Variants in PTPN11 observed in about 807,000 individuals in gnomAD.
The protein encoded by PTPN11 is tyrosine-protein phosphatase non-receptor type 11.
In PTPN11, 6 loss-of-function variants were observed where a neutral mutation model predicts 78.8. That is an observed-to-expected ratio of 0.08 (90% CI 0.04 to 0.15). PTPN11 has a LOEUF of 0.15. Among genes scored for constraint, PTPN11 ranks in the 10% least tolerant of loss-of-function variants. PTPN11 has a pLI of 1.00. For missense variants in PTPN11, 386 were observed against 744.8 expected, an observed-to-expected ratio of 0.52 and a Z score of 5.61; for synonymous variants, 221 against 263.5, an observed-to-expected ratio of 0.84 and a Z score of 1.56.
At chr12:112,420,498 T>C (rs1010616395) in intron 1 of PTPN11, among the ~76,000 whole-genome samples, 3 of 152,012 alleles carry the variant, frequency 2.0e-5, no homozygotes, top group African/African-American at 7.3e-5. Context: ...GGCGCACCAC[T>C]ATGCCCGGCT....
At position 112,471,125 on chromosome 12, in the gene PTPN11, G is replaced by A. The variant is rs57856288; in HGVS notation, c.757-1819G>A. On this transcript the variant is annotated intron_variant, in intron 6 of 15. Coordinates refer to ENST00000351677, the MANE Select transcript of PTPN11 (RefSeq NM_002834.5). ...TGAAGGTTGCATTTTGAAACTGAGCGTCAAATACCAATTTAAAGTCCAGAC... is the reference window on the plus strand; with the variant it reads ...TGAAGGTTGCATTTTGAAACTGAGCATCAAATACCAATTTAAAGTCCAGAC... Among the ~76,000 whole-genome samples, 203 of 152,240 alleles carry A rather than the reference G, an allele frequency of 1.3e-3. 2 individuals carry two copies. The East Asian group carries it at 0.02, about 15-fold the overall frequency.
At chr12:112,419,209 G>T (rs1236440486) in intron 1 of PTPN11, 84 bp downstream of exon 1, 8 of 1,320,824 alleles carry the variant, frequency 6.1e-6, no homozygotes, top group African/African-American at 3.1e-5. Context: ...GGGGCGCCCC[G>T]GCCGGGCTTC....
intron 1 of PTPN11, 104 bp from the exon 2 acceptor site, chr12:112,446,172 A>G (rs1176301801): frequency 2.0e-6 from 3 of 1,465,184 alleles, no homozygotes; most frequent in Non-Finnish European, 2.8e-6. Context: ...TGTATTTTCT[A>G]AAATTTTCTA....
At chr12:112,462,631 A>C (rs1298730558) in intron 6 of PTPN11, among the ~76,000 whole-genome samples, 1 of 152,206 alleles carries the variant, frequency 6.6e-6, no homozygotes, top group Non-Finnish European at 1.5e-5. Context: ...ATATTTCAAA[A>C]ATATAAGAAG....
intron 13 of PTPN11, 122 bp downstream of exon 13, chr12:112,489,297 A>G (rs1762054911): frequency 1.7e-6 from 2 of 1,206,120 alleles, no homozygotes; most frequent in Non-Finnish European, 2.4e-6. Context: ...AATGGGAAAC[A>G]AACTCCCAAC....
At chr12:112,457,344 A>T (rs2038179763) in intron 6 of PTPN11, 1 of 273,960 alleles carries the variant, frequency 3.7e-6, no homozygotes, top group East Asian at 1.6e-4. Flanking sequence ...AAGGACATGA[A>T]CTCATTCTTT....
At chr12:112,464,976 AT>A (rs1292797324) in intron 6 of PTPN11, among the ~76,000 whole-genome samples, 1 of 152,226 alleles carries the variant, frequency 6.6e-6, no homozygotes, top group East Asian at 1.9e-4. Flanking sequence ...ATATTTTTAG[AT>A]TTGTTGAAAC....
chr12:112,424,956 T>TTTTGTG (rs2037587896), intron 1 of PTPN11, among the ~76,000 whole-genome samples: 2 of 89,004 alleles, frequency 2.2e-5, no homozygotes, highest in Non-Finnish European at 4.4e-5. Flanking sequence ...GTCAGGCTAA[T>TTTTGTG]TGTGTGTGTG....
intron 1 of PTPN11, among the ~76,000 whole-genome samples, chr12:112,442,859 T>TATATATATATAAATTATATATACAC (rs2037924622): frequency 1.7e-4 from 13 of 76,522 alleles, no homozygotes; most frequent in African/African-American, 8.2e-4. Context: ...TATATATATA[T>TATATATATATAAATTATATATACAC]ATATATATAT....
intron 6 of PTPN11, among the ~76,000 whole-genome samples, chr12:112,466,024 G>C (rs1374436312): frequency 6.6e-6 from 1 of 152,170 alleles, no homozygotes; most frequent in Non-Finnish European, 1.5e-5. Context: ...ATCTATTCTA[G>C]GTTTTGGGGG....
At chr12:112,455,158 C>T (rs575340297) in intron 5 of PTPN11, among the ~76,000 whole-genome samples, 5 of 151,728 alleles carry the variant, frequency 3.3e-5, no homozygotes, top group East Asian at 3.9e-4. Flanking sequence ...CACTGACTGC[C>T]GCTATAGTAC....
At chr12:112,431,642 A>G (rs2037714715) in intron 1 of PTPN11, among the ~76,000 whole-genome samples, 1 of 152,158 alleles carries the variant, frequency 6.6e-6, no homozygotes, top group Non-Finnish European at 1.5e-5. Context: ...TCAGAGAACC[A>G]GAGTCAACCA....
chr12:112,453,525 A>C, intron 4 of PTPN11, 138 bp downstream of exon 4: 1 of 767,386 alleles, frequency 1.3e-6, no homozygotes. Context: ...TATTTGAGAC[A>C]GGGTCTTGCT....
intron 13 of PTPN11, among the ~76,000 whole-genome samples, chr12:112,492,409 A>C (rs1015347680): frequency 7.3e-5 from 11 of 151,554 alleles, no homozygotes; most frequent in African/African-American, 2.4e-4. Context: ...GGAACAAAGT[A>C]TTTTTCCCTT....
chr12:112,453,680 A>G (rs1399848641), intron 4 of PTPN11, among the ~76,000 whole-genome samples: 5 of 123,730 alleles, frequency 4.0e-5, no homozygotes, highest in African/African-American at 1.5e-4. Flanking sequence ...TTTTTTTAAT[A>G]TTCATTTGTT....
At chr12:112,453,508 A>G in intron 4 of PTPN11, 121 bp downstream of exon 4, 1 of 826,758 alleles carries the variant, frequency 1.2e-6, no homozygotes, top group Non-Finnish European at 1.9e-6. Flanking sequence ...TTATTTATTT[A>G]TTTATTTATT....
chr12:112,460,345 A>T (rs1029408933), intron 6 of PTPN11, among the ~76,000 whole-genome samples: 1 of 152,202 alleles, frequency 6.6e-6, no homozygotes, highest in Non-Finnish European at 1.5e-5. Context: ...CTGATATGCC[A>T]TTATCAGCTT....
intron 9 of PTPN11, among the ~76,000 whole-genome samples, chr12:112,478,800 C>T (rs913137698): frequency 7.2e-5 from 11 of 152,120 alleles, no homozygotes; most frequent in Non-Finnish European, 1.6e-4. Context: ...GTGGCATGAT[C>T]TCAGCTCACT....
At position 112,456,054 on chromosome 12, in the gene PTPN11, A is replaced by G. The variant is rs2038155156; in HGVS notation, c.747A>G (p.Glu249=). 1 of 1,600,548 alleles carries G rather than the reference A, an allele frequency of 6.2e-7. No homozygotes were observed. Among genetic ancestry groups the G allele is most frequent in the East Asian group, 2.2e-5 (1 of 44,826 alleles). ...TTDKVKQGFW[E]EFETLQQQEC... ...ATAAAGTCAAACAAGGCTTTTGGGAAGAATTTGAGGTAAGTTATTAAAAAA... is the reference window on the plus strand; with the variant it reads ...ATAAAGTCAAACAAGGCTTTTGGGAGGAATTTGAGGTAAGTTATTAAAAAA... Residue 249 remains glutamate (E), a synonymous_variant, in exon 6 of 16, where the codon GAA becomes GAG. Coordinates refer to ENST00000351677, the MANE Select transcript of PTPN11 (RefSeq NM_002834.5).
Sources: gnomAD v4.1 joint callset for allele counts (sites outside exome capture counted in the v4.1 genomes callset) on GRCh38, gnomAD v4.1.1 for gene constraint, MANE v1.5 for transcripts, NCBI Gene and HGNC (gene_info 2026-07-23, HGNC 2026-07-21) for gene names.